TBCK: variants seen among roughly 807,000 people sequenced by gnomAD.
TBCK encodes the protein TBC domain-containing protein kinase-like protein.
TBCK carries 99 observed loss-of-function variants against 113.4 expected under a neutral mutation model. That is an observed-to-expected ratio of 0.87 (90% CI 0.74 to 1.03). The LOEUF (loss-of-function observed/expected upper bound fraction) is 1.03. Among genes scored for constraint, TBCK ranks in the 50% least tolerant of loss-of-function variants. TBCK has a pLI of 0.00. For missense variants in TBCK, 1,045 were observed against 1,061.3 expected (o/e 0.98, Z 0.21); for synonymous variants, 369 against 370.8 (o/e 1.00, Z 0.05).
Position 106,236,753 on chromosome 4 carries a change from A to T in TBCK, c.1220+6T>A, listed in dbSNP as rs1193967632. ...ATAAATCTAAAATGAGACTACATAT[A>T]CTCACTCATCTTCAAGTAATGGGTA... On this transcript the variant is annotated splice_donor_region_variant and intron_variant, in intron 13 of 25. Transcript: ENST00000394708. 1.4e-6 allele frequency: 2 copies of T among 1,468,956 alleles called. No individual in the cohort carries two copies. Among genetic ancestry groups the T allele is most frequent in the East Asian group, 4.9e-5 (2 of 40,712 alleles). 91.0% of individuals were successfully genotyped at this position (1,468,956 alleles called of 1,614,324 possible).
chr4:106,212,743 T>C lies in TBCK; in HGVS notation c.1860+7A>G, dbSNP rs1453507884. On this transcript the variant is annotated splice_region_variant and intron_variant, in intron 20 of 25. Transcript: ENST00000394708. ...CCACATGTTCTATTAATGCACCAAG[T>C]ACTTACATCTGGAATGAAACCAATC... 2 of 1,584,368 alleles carry C rather than the reference T, an allele frequency of 1.3e-6. No homozygotes were observed. The highest frequency in any genetic ancestry group is 3.4e-5 in the Admixed American group (2 of 59,090).
At chr4:106,269,895 A>G (rs1024821903) in intron 3 of TBCK, among the ~76,000 whole-genome samples, 5 of 152,160 alleles carry the variant, frequency 3.3e-5, no homozygotes, top group Non-Finnish European at 7.4e-5. Context: ...AACATAGTCT[A>G]GCGGTTTGAG....
chr4:106,292,650 G>A (rs758026877), intron 3 of TBCK, among the ~76,000 whole-genome samples: 4 of 152,014 alleles, frequency 2.6e-5, no homozygotes, highest in South Asian at 2.1e-4. Context: ...GAGCATACAC[G>A]TCTTCTCTTA....
At chr4:106,165,915 A>T (rs1287883580) in intron 23 of TBCK, among the ~76,000 whole-genome samples, 3 of 151,756 alleles carry the variant, frequency 2.0e-5, no homozygotes, top group Non-Finnish European at 3.0e-5. Flanking sequence ...TGCTTCAGGG[A>T]ATAAATACAA....
chr4:106,069,829 G>C (rs1353515513), intron 25 of TBCK, among the ~76,000 whole-genome samples: 1 of 152,136 alleles, frequency 6.6e-6, no homozygotes, highest in African/African-American at 2.4e-5. Flanking sequence ...TTGAGCAGTG[G>C]TTTGTAGTTC....
At position 106,311,200 on chromosome 4, in the gene TBCK, TACACACACAC is replaced by T. The variant is rs36011277; in HGVS notation, c.-29-2221_-29-2212del. On this transcript the variant is annotated intron_variant, in intron 1 of 25. Coordinates refer to ENST00000394708, the MANE Select transcript of TBCK (RefSeq NM_001163435.3). Reference sequence around the variant, plus strand: ...GCTATTATATTCCTACAGAAACTCCTACACACACACACACACACACACACACACACACACA... The same window carrying T: ...GCTATTATATTCCTACAGAAACTCCTACACACACACACACACACACACACA... Among the ~76,000 whole-genome samples, 1,215 of 138,268 alleles carry T rather than the reference TACACACACAC, an allele frequency of 8.8e-3. 9 individuals carry two copies. The highest frequency in any genetic ancestry group is 0.018 in the African/African-American group (689 of 37,530). The allele number at this position is 138,268 out of a possible 152,430, so 90.7% of individuals were successfully genotyped here. A position where few individuals can be genotyped will look rare whatever the true frequency, so the allele number is the denominator to read the frequency against.
At chr4:106,161,594 C>T (rs916241908) in intron 23 of TBCK, among the ~76,000 whole-genome samples, 2 of 152,026 alleles carry the variant, frequency 1.3e-5, no homozygotes, top group African/African-American at 4.8e-5. Context: ...ATTATTAGCT[C>T]AGCTATTTGC....
At chr4:106,298,881 T>A (rs766691178) in intron 2 of TBCK, among the ~76,000 whole-genome samples, 8 of 152,184 alleles carry the variant, frequency 5.3e-5, no homozygotes, top group Non-Finnish European at 1.2e-4. Flanking sequence ...AAGAAACACG[T>A]TCTGACTGAT....
At chr4:106,236,354 G>T (rs754253907) in intron 14 of TBCK, 36 bp downstream of exon 14, 1 of 1,352,734 alleles carries the variant, frequency 7.4e-7, no homozygotes, top group South Asian at 2.4e-5. Flanking sequence ...ATTCCATATG[G>T]GCTATTGTTA....
intron 19 of TBCK, among the ~76,000 whole-genome samples, chr4:106,228,571 G>T (rs1579320269): frequency 6.6e-6 from 1 of 151,908 alleles, no homozygotes; most frequent in South Asian, 2.1e-4. Context: ...AAAATGACGG[G>T]ATCCCATTTT....
At chr4:106,216,582 C>T (rs188214172) in intron 19 of TBCK, among the ~76,000 whole-genome samples, 3 of 152,060 alleles carry the variant, frequency 2.0e-5, no homozygotes, top group Admixed American at 1.3e-4. Flanking sequence ...GAGAATACTA[C>T]AAACACCTCT....
chr4:106,121,143 G>C (rs1744301443), intron 23 of TBCK, among the ~76,000 whole-genome samples: 2 of 151,960 alleles, frequency 1.3e-5, no homozygotes, highest in Admixed American at 1.3e-4. Flanking sequence ...CACGTGCAGA[G>C]ACACACATAG....
chr4:106,119,996 C>T (rs1036840393), intron 23 of TBCK, among the ~76,000 whole-genome samples: 1 of 152,182 alleles, frequency 6.6e-6, no homozygotes, highest in African/African-American at 2.4e-5. Flanking sequence ...CTCGGGTCTA[C>T]AGCTCCCAGC....
At chr4:106,167,563 AAAGAGATC>A (rs1342960045) in intron 23 of TBCK, among the ~76,000 whole-genome samples, 1 of 151,686 alleles carries the variant, frequency 6.6e-6, no homozygotes, top group Non-Finnish European at 1.5e-5. Context: ...ACAGTAAATC[AAAGAGATC>A]AATGACACCA....
chr4:106,075,279 A>G (rs1451362223), intron 25 of TBCK, among the ~76,000 whole-genome samples: 1 of 152,260 alleles, frequency 6.6e-6, no homozygotes, highest in East Asian at 1.9e-4. Flanking sequence ...AAAATGTTTA[A>G]AACAGTTTCT....
intron 25 of TBCK, among the ~76,000 whole-genome samples, chr4:106,092,654 C>A (rs1051277909): frequency 6.6e-6 from 1 of 152,234 alleles, no homozygotes; most frequent in Non-Finnish European, 1.5e-5. Flanking sequence ...GTGCTAAGCC[C>A]CTCACTGCCC....
intron 13 of TBCK, 35 bp from the exon 14 acceptor site, chr4:106,236,554 A>T (rs540121503): frequency 1.5e-6 from 2 of 1,351,568 alleles, no homozygotes; most frequent in East Asian, 2.6e-5. Flanking sequence ...AAAAAAAAAA[A>T]TGGACAAAAG....
chr4:106,189,691 C>T (rs1020918776), intron 22 of TBCK, among the ~76,000 whole-genome samples: 1 of 151,918 alleles, frequency 6.6e-6, no homozygotes, highest in Non-Finnish European at 1.5e-5. Context: ...TTATAGCATT[C>T]GTATTTTGGT....
At position 106,279,536 on chromosome 4, in the gene TBCK, A is replaced by G. The variant is rs183070652; in HGVS notation, c.266+15558T>C. The stretch of plus-strand genomic sequence containing the variant: ...ACTATAGTCACAATGTTGTGCTATT[A>G]AATACCAGATCTTATTCATTCTAAT... On this transcript the variant is annotated intron_variant, in intron 3 of 25. Transcript: ENST00000394708. Among the ~76,000 whole-genome samples the G allele has an allele frequency of 9.2e-5, 14 of 152,270 alleles. No individual in the cohort carries two copies. In the East Asian group the frequency reaches 2.5e-3, roughly 27 times the overall value.
Sources: allele counts gnomAD v4.1 joint callset (sites outside exome capture counted in the v4.1 genomes callset), GRCh38; gene constraint gnomAD v4.1.1; transcripts MANE v1.5; gene names NCBI Gene and HGNC (gene_info 2026-07-23, HGNC 2026-07-21).